LUZP2: variants seen among roughly 807,000 people sequenced by gnomAD.
LUZP2 encodes the protein leucine zipper protein 2.
A neutral mutation model predicts 51.6 loss-of-function variants in LUZP2; 52 were observed. The observed-to-expected ratio is 1.01, with a 90% confidence interval of 0.81 to 1.27. The LOEUF (loss-of-function observed/expected upper bound fraction) is 1.27, where lower values mean the gene tolerates loss of function less well. Among genes scored for constraint, LUZP2 ranks in the 50% most tolerant of loss-of-function variants. The pLI, the probability that LUZP2 is intolerant of heterozygous loss-of-function variation, is 0.00. For missense variants in LUZP2, 436 were observed against 395.4 expected (o/e 1.10, Z -0.87); for synonymous variants, 154 against 137.3 (o/e 1.12, Z -0.85).
intron 1 of LUZP2, among the ~76,000 whole-genome samples, chr11:24,539,541 TCTC>T (rs1258112702): frequency 6.6e-6 from 1 of 151,958 alleles, no homozygotes; most frequent in Non-Finnish European, 1.5e-5. Flanking sequence ...TTATAAATAC[TCTC>T]CTCCTCCCCT....
chr11:24,497,681 A>G (rs73429112), intron 1 of LUZP2, among the ~76,000 whole-genome samples: 3,818 of 152,268 alleles, frequency 0.025, 181 homozygotes, highest in African/African-American at 0.086. Flanking sequence ...TTTACATTGG[A>G]GTTGTCTTAA....
At chr11:24,933,711 C>T (rs1418848563) in intron 7 of LUZP2, among the ~76,000 whole-genome samples, 1 of 152,062 alleles carries the variant, frequency 6.6e-6, no homozygotes, top group Non-Finnish European at 1.5e-5. Flanking sequence ...GGCTTGCATA[C>T]TGTCATGCGC....
chr11:24,885,462 A>C (rs1565054144), intron 5 of LUZP2, among the ~76,000 whole-genome samples: 1 of 152,142 alleles, frequency 6.6e-6, no homozygotes, highest in Non-Finnish European at 1.5e-5. Flanking sequence ...TGAAAGTCAT[A>C]GAGATTATAG....
intron 7 of LUZP2, among the ~76,000 whole-genome samples, chr11:24,973,807 T>C (rs1001661579): frequency 1.3e-5 from 2 of 152,090 alleles, no homozygotes; most frequent in Admixed American, 6.6e-5. Flanking sequence ...TTGTTTGTTA[T>C]GATTTTTAGT....
chr11:24,700,999 G>A (rs1457365938), intron 1 of LUZP2, among the ~76,000 whole-genome samples: 1 of 152,154 alleles, frequency 6.6e-6, no homozygotes, highest in East Asian at 1.9e-4. Flanking sequence ...AAAAACATCC[G>A]ATTTACCAGT....
At chr11:24,766,602 G>A (rs1369637226) in intron 5 of LUZP2, among the ~76,000 whole-genome samples, 1 of 152,116 alleles carries the variant, frequency 6.6e-6, no homozygotes, top group Non-Finnish European at 1.5e-5. Context: ...AGAAAAATCT[G>A]CATCAAATTT....
chr11:24,677,378 T>C (rs1273628765), intron 1 of LUZP2, among the ~76,000 whole-genome samples: 1 of 152,206 alleles, frequency 6.6e-6, no homozygotes, highest in African/African-American at 2.4e-5. Flanking sequence ...TCTGTTCTTG[T>C]CTGACCTTCC....
intron 7 of LUZP2, among the ~76,000 whole-genome samples, chr11:24,942,420 C>T (rs1001424067): frequency 6.6e-6 from 1 of 152,072 alleles, no homozygotes; most frequent in African/African-American, 2.4e-5. Flanking sequence ...TAGTGACGAG[C>T]GTATGGTTAT....
intron 10 of LUZP2, among the ~76,000 whole-genome samples, chr11:25,076,464 A>T (rs1228088754): frequency 6.6e-6 from 1 of 152,114 alleles, no homozygotes; most frequent in African/African-American, 2.4e-5. Flanking sequence ...CTGTTAATTT[A>T]AAACTATGTA....
intron 1 of LUZP2, among the ~76,000 whole-genome samples, chr11:24,536,411 C>T (rs116186195): frequency 0.038 from 5,728 of 151,958 alleles, 332 homozygotes; most frequent in African/African-American, 0.13. Flanking sequence ...CCACATTCAT[C>T]AATGGTCTTG....
At position 25,081,460 on chromosome 11, in the gene LUZP2, ATATT is replaced by A. The variant is rs753826721; in HGVS notation, c.*2805_*2808del. On this transcript the variant is annotated 3_prime_UTR_variant, in exon 12 of 12. Coordinates refer to ENST00000336930, the MANE Select transcript of LUZP2 (RefSeq NM_001009909.4). ...CTTGTAGCAGGAGACATTTAAAAAT[ATATT>A]TAGGAGTTCCTTTTAATAACTAAGT... 6.6e-6 allele frequency: 1 copy of A among 151,960 alleles called. No individual in the cohort carries two copies. Among genetic ancestry groups the A allele is most frequent in the East Asian group, 1.9e-4 (1 of 5,184 alleles). The allele number at this position is 151,960 out of a possible 1,614,324, so 9.4% of individuals were successfully genotyped here. A position where few individuals can be genotyped will look rare whatever the true frequency, so the allele number is the denominator to read the frequency against.
intron 5 of LUZP2, chr11:24,892,074 C>T: frequency 2.0e-6 from 2 of 985,496 alleles, no homozygotes; most frequent in Non-Finnish European, 1.2e-6. Flanking sequence ...GGAGCTGAAG[C>T]CAGGGCTCAT....
intron 5 of LUZP2, among the ~76,000 whole-genome samples, chr11:24,789,150 G>A (rs146303728): frequency 6.5e-4 from 99 of 152,204 alleles, no homozygotes; most frequent in Non-Finnish European, 1.1e-3. Context: ...GAATTAGTAC[G>A]CTCTATGGAC....
At chr11:24,622,113 G>C (rs1378246629) in intron 1 of LUZP2, among the ~76,000 whole-genome samples, 1 of 151,396 alleles carries the variant, frequency 6.6e-6, no homozygotes, top group Non-Finnish European at 1.5e-5. Flanking sequence ...GATAATTTTT[G>C]TATTTCTTTT....
intron 1 of LUZP2, among the ~76,000 whole-genome samples, chr11:24,598,115 AAGAG>A (rs1281651613): frequency 4.4e-4 from 67 of 151,812 alleles, no homozygotes; most frequent in Non-Finnish European, 2.9e-5. Context: ...AAAAAAAAAA[AAGAG>A]AGAGACATTT....
rs140712260 is a variant in LUZP2, at chr11:24,566,090, C to T, written c.62+68785C>T. On this transcript the variant is annotated intron_variant, in intron 1 of 11. Coordinates refer to ENST00000336930, the MANE Select transcript of LUZP2 (RefSeq NM_001009909.4). ...AAGGCATGTACATATAGAAAAAATG[C>T]GACCCATGCACATGAAAATAAAGCA... Among the ~76,000 whole-genome samples, 1,208 of 151,510 alleles carry T rather than the reference C, an allele frequency of 8.0e-3. 10 individuals are homozygous for T. The highest frequency in any genetic ancestry group is 0.014 in the Middle Eastern group (4 of 290).
chr11:25,040,220 T>C (rs897363609), intron 9 of LUZP2, among the ~76,000 whole-genome samples: 2 of 152,196 alleles, frequency 1.3e-5, no homozygotes, highest in African/African-American at 4.8e-5. Flanking sequence ...ATGTGTGTTT[T>C]ATTTTCTCAA....
chr11:24,967,177 A>G (rs1855608238), intron 7 of LUZP2, among the ~76,000 whole-genome samples: 1 of 151,768 alleles, frequency 6.6e-6, no homozygotes, highest in South Asian at 2.1e-4. Context: ...TGCTTTTCTA[A>G]AGATGTTGGA....
At chr11:24,805,472 T>C (rs1446592552) in intron 5 of LUZP2, among the ~76,000 whole-genome samples, 1 of 152,074 alleles carries the variant, frequency 6.6e-6, no homozygotes, top group East Asian at 1.9e-4. Context: ...GCCTCAGTCA[T>C]TGCGCCTGGC....
Sources: gnomAD v4.1 joint callset for allele counts (sites outside exome capture counted in the v4.1 genomes callset) on GRCh38, gnomAD v4.1.1 for gene constraint, MANE v1.5 for transcripts, NCBI Gene and HGNC (gene_info 2026-07-23, HGNC 2026-07-21) for gene names.